DPP10: variants seen among roughly 807,000 people sequenced by gnomAD.
The protein encoded by DPP10 is inactive dipeptidyl peptidase 10.
In DPP10, 33 loss-of-function variants were observed where a neutral mutation model predicts 120.9. That is an observed-to-expected ratio of 0.27 (90% CI 0.21 to 0.37). DPP10 has a LOEUF of 0.37. Among genes scored for constraint, DPP10 ranks in the 10% least tolerant of loss-of-function variants. DPP10 has a pLI of 1.00. For synonymous variants in DPP10, 337 were observed against 326.1 expected (o/e 1.03, Z -0.36); for missense variants, 816 against 942.8 (o/e 0.87, Z 1.76).
At chr2:114,985,863 T>C (rs1364164844) in intron 1 of DPP10, among the ~76,000 whole-genome samples, 2 of 152,220 alleles carry the variant, frequency 1.3e-5, no homozygotes, top group African/African-American at 4.8e-5. Flanking sequence ...ATTTGGTAAT[T>C]TTCAAATTTA....
intron 17 of DPP10, among the ~76,000 whole-genome samples, chr2:115,789,911 T>C (rs1322351132): frequency 6.6e-6 from 1 of 152,198 alleles, no homozygotes; most frequent in Non-Finnish European, 1.5e-5. Flanking sequence ...ATACCTCCTC[T>C]AAAATCTGTA....
intron 1 of DPP10, among the ~76,000 whole-genome samples, chr2:114,641,915 T>C (rs192479654): frequency 3.9e-5 from 6 of 152,070 alleles, no homozygotes; most frequent in South Asian, 4.1e-4. Flanking sequence ...GTATGCTTAG[T>C]TTTAGCGTGA....
chr2:114,873,815 C>T (rs1690911230), intron 1 of DPP10, among the ~76,000 whole-genome samples: 1 of 152,116 alleles, frequency 6.6e-6, no homozygotes, highest in Admixed American at 6.6e-5. Context: ...ATCTCTCAGA[C>T]ACAGAAGTGA....
At chr2:115,603,873 T>C (rs569723924) in intron 5 of DPP10, among the ~76,000 whole-genome samples, 20 of 152,178 alleles carry the variant, frequency 1.3e-4, no homozygotes, top group Non-Finnish European at 2.6e-4. Flanking sequence ...CTTTACAGAC[T>C]CTATGCTTGC....
intron 3 of DPP10, among the ~76,000 whole-genome samples, chr2:115,345,544 G>T (rs1218292088): frequency 6.6e-6 from 1 of 152,046 alleles, no homozygotes; most frequent in Non-Finnish European, 1.5e-5. Flanking sequence ...TGTTAGATTT[G>T]AAATGCTGAA....
chr2:115,284,007 C>T (rs1315129977), intron 1 of DPP10, among the ~76,000 whole-genome samples: 5 of 151,874 alleles, frequency 3.3e-5, no homozygotes, highest in Admixed American at 1.3e-4. Flanking sequence ...CATAGCCTAA[C>T]GATGGACTTC....
chr2:115,088,750 CAAAA>C (rs70941027), intron 1 of DPP10, among the ~76,000 whole-genome samples: 10 of 65,044 alleles, frequency 1.5e-4, no homozygotes, highest in Admixed American at 4.7e-4. Context: ...CTGTGCCTGA[CAAAA>C]AAAAAAAAAA....
At chr2:115,284,727 G>A (rs1319888253) in intron 1 of DPP10, among the ~76,000 whole-genome samples, 1 of 151,988 alleles carries the variant, frequency 6.6e-6, no homozygotes, top group Non-Finnish European at 1.5e-5. Flanking sequence ...ATACACCTAT[G>A]TATCTAGGAT....
chr2:115,517,344 T>C (rs887046574), intron 4 of DPP10, among the ~76,000 whole-genome samples: 1 of 152,176 alleles, frequency 6.6e-6, no homozygotes. Context: ...ATGTAAATTA[T>C]TTATATCCTT....
chr2:115,439,777 G>C (rs1475857940), intron 3 of DPP10, among the ~76,000 whole-genome samples: 2 of 152,078 alleles, frequency 1.3e-5, no homozygotes, highest in Non-Finnish European at 2.9e-5. Flanking sequence ...GAGTTAGACG[G>C]CAAAATAGAG....
intron 1 of DPP10, among the ~76,000 whole-genome samples, chr2:115,305,415 ATTG>A (rs1220433236): frequency 6.6e-6 from 1 of 152,036 alleles, no homozygotes; most frequent in Non-Finnish European, 1.5e-5. Flanking sequence ...AGAACAAGAG[ATTG>A]TTAACTGACG....
intron 1 of DPP10, among the ~76,000 whole-genome samples, chr2:114,593,300 A>C (rs1032823631): frequency 3.3e-5 from 5 of 152,190 alleles, no homozygotes; most frequent in Admixed American, 1.3e-4. Flanking sequence ...AGAGCCACGC[A>C]ATTAATAGAC....
intron 1 of DPP10, among the ~76,000 whole-genome samples, chr2:114,922,272 C>G (rs1207283407): frequency 6.6e-6 from 1 of 152,068 alleles, no homozygotes; most frequent in Admixed American, 6.6e-5. Flanking sequence ...TTTATGCAAC[C>G]ACTAATCTCT....
At chr2:115,468,528 G>T in intron 3 of DPP10, 1 of 432,670 alleles carries the variant, frequency 2.3e-6, no homozygotes, top group Non-Finnish European at 4.6e-6. Flanking sequence ...TGTGGACATT[G>T]CCATCCCACT....
At chr2:115,789,137 A>C (rs1342752496) in intron 17 of DPP10, among the ~76,000 whole-genome samples, 1 of 152,050 alleles carries the variant, frequency 6.6e-6, no homozygotes, top group African/African-American at 2.4e-5. Context: ...TAAAAAATAA[A>C]AAATAAGGCG....
intron 1 of DPP10, among the ~76,000 whole-genome samples, chr2:115,195,496 C>A (rs1253893426): frequency 6.6e-6 from 1 of 152,192 alleles, no homozygotes; most frequent in Non-Finnish European, 1.5e-5. Context: ...TTCTCTTCTG[C>A]AGACATATTC....
At chr2:114,726,341 G>C (rs1702049967) in intron 1 of DPP10, among the ~76,000 whole-genome samples, 2 of 152,056 alleles carry the variant, frequency 1.3e-5, no homozygotes, top group African/African-American at 2.4e-5. Context: ...GATGTCCAGT[G>C]CCTCACTCCC....
chr2:115,148,204 A>G (rs976448942), intron 1 of DPP10, among the ~76,000 whole-genome samples: 16 of 152,316 alleles, frequency 1.1e-4, no homozygotes, highest in African/African-American at 3.4e-4. Context: ...AATCAATAAG[A>G]AAGAGTGGGC....
chr2:115,707,229 G>A (rs1400737850), intron 7 of DPP10, among the ~76,000 whole-genome samples: 1 of 151,782 alleles, frequency 6.6e-6, no homozygotes, highest in African/African-American at 2.4e-5. Context: ...TAAAAGGTTT[G>A]ATTAACACTA....
Sources: gnomAD v4.1 joint callset for allele counts (sites outside exome capture counted in the v4.1 genomes callset) on GRCh38, gnomAD v4.1.1 for gene constraint, MANE v1.5 for transcripts, NCBI Gene and HGNC (gene_info 2026-07-23, HGNC 2026-07-21) for gene names.